DVL3: variants seen among roughly 807,000 people sequenced by gnomAD.
DVL3 encodes dishevelled segment polarity protein 3.
DVL3 carries 27 observed loss-of-function variants against 67.4 expected under a neutral mutation model. The ratio of observed to expected loss-of-function variants is 0.40; its 90% CI spans 0.30 to 0.55. The LOEUF (loss-of-function observed/expected upper bound fraction) is 0.55, where lower values mean the gene tolerates loss of function less well. DVL3 is among the 20% of genes least tolerant of loss of function. The pLI is 0.46. For missense variants in DVL3, 819 were observed against 1,021.5 expected (o/e 0.80, Z 2.70); for synonymous variants, 369 against 396.8 (o/e 0.93, Z 0.83).
chr3:184,162,560 C>CTTTTTTTTT (rs35869796), intron 1 of DVL3, among the ~76,000 whole-genome samples: 2 of 123,544 alleles, frequency 1.6e-5, no homozygotes, highest in Non-Finnish European at 3.3e-5. Context: ...TTTTTCTTTT[C>CTTTTTTTTT]TTTTTTTTTT....
Position 184,164,447 on chromosome 3 carries a change from G to A in DVL3, c.354-45G>A. The A allele has an allele frequency of 6.3e-7, 1 of 1,597,830 alleles. No individual in the cohort carries two copies. The highest frequency in any genetic ancestry group is 8.5e-7 in the Non-Finnish European group (1 of 1,171,458). Reference sequence around the variant, plus strand: ...CAGTTCAGCCCAGGGCTGGGGGAGGGAGCCCCCAGCCTGCCCCCTCCCCCA... The same window carrying A: ...CAGTTCAGCCCAGGGCTGGGGGAGGAAGCCCCCAGCCTGCCCCCTCCCCCA... On this transcript the variant is annotated intron_variant, in intron 3 of 14. Coordinates refer to ENST00000313143, the MANE Select transcript of DVL3 (RefSeq NM_004423.4). The surrounding 1 kb of genome is among the most constrained non-coding windows in gnomAD (Gnocchi z 5.3).
Position 184,170,455 on chromosome 3 carries a change from G to A in DVL3, c.1851G>A (p.Arg617=), listed in dbSNP as rs377232986. Residue 617 remains arginine (R), a synonymous_variant, in exon 15 of 15, where the codon CGG becomes CGA. Transcript: ENST00000313143. The surrounding 1 kb of genome is among the most constrained non-coding windows in gnomAD (Gnocchi z 6.5). Reference sequence around the variant, plus strand: ...CACGCAGCAGCCTGCGGGGGCCGCGGGAGCGGGCGCCCAGCGAGCGCTCAG... The same window carrying A: ...CACGCAGCAGCCTGCGGGGGCCGCGAGAGCGGGCGCCCAGCGAGCGCTCAG... The part of the protein sequence containing the change: ...HTTRSSLRGP[R]ERAPSERSGP... 1.9e-6 allele frequency: 3 copies of A among 1,583,622 alleles called. No homozygotes were observed. The highest frequency in any genetic ancestry group is 2.6e-6 in the Non-Finnish European group (3 of 1,166,032).
At chr3:184,159,979 G>A (rs550129126) in intron 1 of DVL3, among the ~76,000 whole-genome samples, 93 of 150,144 alleles carry the variant, frequency 6.2e-4, no homozygotes, top group South Asian at 2.4e-3. Context: ...TCGCTGTGTC[G>A]CCCAGGCTGG....
chr3:184,166,890 C>G lies in DVL3; in HGVS notation c.1113C>G (p.Thr371=). The part of the protein sequence containing the change: ...WVSHTAAMTG[T]FPAYGMSPSL... ...CCCACACTGCAGCCATGACCGGCACCTTCCCTGCATACGGCATGAGCCCCT... is the reference window on the plus strand; with the variant it reads ...CCCACACTGCAGCCATGACCGGCACGTTCCCTGCATACGGCATGAGCCCCT... The change falls in exon 11 of 15, where the codon ACC becomes ACG. Residue 371 remains threonine (T), a synonymous_variant. Coordinates refer to ENST00000313143, the MANE Select transcript of DVL3 (RefSeq NM_004423.4). The surrounding 1 kb of genome is among the most constrained non-coding windows in gnomAD (Gnocchi z 6.7). 2.5e-6 allele frequency: 4 copies of G among 1,614,182 alleles called. No homozygotes were observed. The highest frequency in any genetic ancestry group is 2.5e-6 in the Non-Finnish European group (3 of 1,180,028).
rs1186542249 is a variant in DVL3, at chr3:184,170,400, G to A, written c.1796G>A (p.Gly599Glu). 1.2e-6 allele frequency: 2 copies of A among 1,603,918 alleles called. No individual in the cohort carries two copies. Among genetic ancestry groups the A allele is most frequent in the Non-Finnish European group, 1.7e-6 (2 of 1,175,560 alleles). Residue 599 changes from glycine to glutamate, a missense_variant, in exon 15 of 15, where the codon GGG becomes GAG. This residue lies in a region of DVL3 where 324 missense variants were observed against 331.3 expected (regional missense o/e 0.98). Coordinates refer to ENST00000313143, the MANE Select transcript of DVL3 (RefSeq NM_004423.4). The surrounding 1 kb of genome is among the most constrained non-coding windows in gnomAD (Gnocchi z 6.5). ...KDPKAGDSKS[G>E]GSGSESDHTT... The stretch of plus-strand genomic sequence containing the variant: ...CCGAAGGCCGGGGACTCCAAGTCCG[G>A]GGGCAGCGGCAGCGAATCGGACCAC...
chr3:184,156,033 A>G (rs1714172355), intron 1 of DVL3, among the ~76,000 whole-genome samples: 1 of 152,040 alleles, frequency 6.6e-6, no homozygotes, highest in East Asian at 1.9e-4. Context: ...CCCACTAGCA[A>G]TCAGAGTTCC....
chr3:184,169,494 A>G (rs563166082), intron 13 of DVL3, among the ~76,000 whole-genome samples: 155 of 152,300 alleles, frequency 1.0e-3, no homozygotes, highest in African/African-American at 3.6e-3. Context: ...TAGGAGTTGG[A>G]GACCAGCCTG....
Position 184,171,543 on chromosome 3 carries a change from C to T in DVL3, c.*788C>T, listed in dbSNP as rs1714839718. 2.0e-6 allele frequency: 2 copies of T among 986,066 alleles called. No individual in the cohort carries two copies. Among genetic ancestry groups the T allele is most frequent in the Admixed American group, 6.1e-5 (1 of 16,288 alleles). 61.1% of individuals were successfully genotyped at this position (986,066 alleles called of 1,614,324 possible). On this transcript the variant is annotated 3_prime_UTR_variant, in exon 15 of 15. Coordinates refer to ENST00000313143, the MANE Select transcript of DVL3 (RefSeq NM_004423.4). ...TTCTTTTCTTTCTTTTTTCCTCCCCCAATTTACCCTGGGCCTGGAGCAGCC... is the reference window on the plus strand; with the variant it reads ...TTCTTTTCTTTCTTTTTTCCTCCCCTAATTTACCCTGGGCCTGGAGCAGCC...
rs1240858556 is a variant in DVL3 at position 184,173,393 on chromosome 3, G to T, written c.*2638G>T. 1.3e-5 allele frequency: 2 copies of T among 152,310 alleles called. No individual in the cohort carries two copies. Among genetic ancestry groups the T allele is most frequent in the African/African-American group, 4.8e-5 (2 of 41,546 alleles). 9.4% of individuals were successfully genotyped at this position (152,310 alleles called of 1,614,324 possible). A position where few individuals can be genotyped will look rare whatever the true frequency, so the allele number is the denominator to read the frequency against. On this transcript the variant is annotated 3_prime_UTR_variant, in exon 15 of 15. Coordinates refer to ENST00000313143, the MANE Select transcript of DVL3 (RefSeq NM_004423.4). ...TGGAGCATGGGATTTGGAGTTAGGT[G>T]GTTTTGGGTTTGAATTCCAGCTCTA...
At position 184,165,043 on chromosome 3, in the gene DVL3, C is replaced by G; in HGVS notation, c.600-70C>G. 1 of 1,608,314 alleles carries G rather than the reference C, an allele frequency of 6.2e-7. No homozygotes were observed. The highest frequency in any genetic ancestry group is 8.5e-7 in the Non-Finnish European group (1 of 1,176,870). On this transcript the variant is annotated intron_variant, in intron 5 of 14. Transcript: ENST00000313143. This position sits in a 1 kb window ranked among gnomAD's most constrained non-coding sequence, Gnocchi z 4.1. ...ATGGGCTTTGTGTTGGGGACCCAGG[C>G]CCTGCAGTGCCTCCCCTCATGGGGG...
chr3:184,155,570 T>G lies in DVL3; in HGVS notation c.-66T>G. ...TGGGCCGCGCCGCGCGCCGCCGCCG[T>G]CTGGGAGGCTCGGCCCGGCCGCCCG... On this transcript the variant is annotated 5_prime_UTR_variant, in exon 1 of 15. Transcript: ENST00000313143. This position sits in a 1 kb window ranked among gnomAD's most constrained non-coding sequence, Gnocchi z 5.4. 1.0e-6 allele frequency: 1 copy of G among 993,402 alleles called. No individual in the cohort carries two copies. The highest frequency in any genetic ancestry group is 1.2e-6 in the Non-Finnish European group (1 of 831,276). The allele number at this position is 993,402 out of a possible 1,614,324, so 61.5% of individuals were successfully genotyped here.
Position 184,166,456 on chromosome 3 carries a change from T to G in DVL3, c.914T>G (p.Ile305Ser), listed in dbSNP as rs955057312. 1 of 1,614,086 alleles carries G rather than the reference T, an allele frequency of 6.2e-7. No homozygotes were observed. ...PGDMLLQVNE[I>S]NFENMSNDDA... ...CTGGTCCTTTCCCAGGTAAACGAGA[T>G]CAACTTTGAGAACATGAGTAATGAC... The change falls in exon 9 of 15, where the codon ATC (isoleucine) becomes AGC (serine). Residue 305 changes from isoleucine to serine, a missense_variant. Coordinates refer to ENST00000313143, the MANE Select transcript of DVL3 (RefSeq NM_004423.4). The surrounding 1 kb of genome is among the most constrained non-coding windows in gnomAD (Gnocchi z 6.7).
In DVL3 at chr3:184,164,534, C is replaced by T. The variant is rs748540521; in HGVS notation, c.396C>T (p.Asp132=). Reference sequence around the variant, plus strand: ...GCAGCCAGGAGAACCTGGACAATGACACAGAGACGGACTCTTTGGTGTCTG... The same window carrying T: ...GCAGCCAGGAGAACCTGGACAATGATACAGAGACGGACTCTTTGGTGTCTG... ...GGGSQENLDN[D]TETDSLVSAQ... The change falls in exon 4 of 15, where the codon GAC becomes GAT. Residue 132 remains aspartate (D), a synonymous_variant. Transcript: ENST00000313143. This position sits in a 1 kb window ranked among gnomAD's most constrained non-coding sequence, Gnocchi z 5.3. The T allele has an allele frequency of 2.5e-6, 4 of 1,587,724 alleles. No homozygotes were observed. Among genetic ancestry groups the T allele is most frequent in the Non-Finnish European group, 3.4e-6 (4 of 1,167,184 alleles).
chr3:184,169,167 T>A (rs1013729474), intron 13 of DVL3, among the ~76,000 whole-genome samples: 4 of 152,222 alleles, frequency 2.6e-5, no homozygotes, highest in African/African-American at 9.6e-5. Context: ...ACACTTTACC[T>A]AAATTTCCCA....
At chr3:184,169,087 A>T (rs1389942147) in intron 13 of DVL3, among the ~76,000 whole-genome samples, 1 of 152,134 alleles carries the variant, frequency 6.6e-6, no homozygotes, top group Admixed American at 6.6e-5. Flanking sequence ...CTATATAGGG[A>T]ATCTCTGGAA....
At position 184,166,043 on chromosome 3, in the gene DVL3, C is replaced by T. The variant is rs1714570946; in HGVS notation, c.764-83C>T. The T allele has an allele frequency of 1.3e-6, 2 of 1,524,930 alleles. No homozygotes were observed. Among genetic ancestry groups the T allele is most frequent in the South Asian group, 1.2e-5 (1 of 86,430 alleles). The allele number at this position is 1,524,930 out of a possible 1,614,324, so 94.5% of individuals were successfully genotyped here. A position where few individuals can be genotyped will look rare whatever the true frequency, so the allele number is the denominator to read the frequency against. ...AGGATCAGCAAATGTCAGTTCAGTTCCTGTCCCTTTCCATTTTCTAATGGG... is the reference window on the plus strand; with the variant it reads ...AGGATCAGCAAATGTCAGTTCAGTTTCTGTCCCTTTCCATTTTCTAATGGG... On this transcript the variant is annotated intron_variant, in intron 7 of 14. Coordinates refer to ENST00000313143, the MANE Select transcript of DVL3 (RefSeq NM_004423.4). The surrounding 1 kb of genome is among the most constrained non-coding windows in gnomAD (Gnocchi z 6.7).
At position 184,171,450 on chromosome 3, in the gene DVL3, G is replaced by A. The variant is rs1368087703; in HGVS notation, c.*695G>A. The A allele has an allele frequency of 2.3e-5, 23 of 987,366 alleles. No homozygotes were observed. In the South Asian group the frequency reaches 2.8e-4, roughly 12 times the overall value. The allele number at this position is 987,366 out of a possible 1,614,324, so 61.2% of individuals were successfully genotyped here. On this transcript the variant is annotated 3_prime_UTR_variant, in exon 15 of 15. Transcript: ENST00000313143. ...TACCCCTGCCCCATGCCTGCCCTGC[G>A]TGCTGGTTCCTTCAGACCCCTAACC...
At position 184,155,593 on chromosome 3, in the gene DVL3, C is replaced by G; in HGVS notation, c.-43C>G. 1 of 1,148,290 alleles carries G rather than the reference C, an allele frequency of 8.7e-7. No homozygotes were observed. The highest frequency in any genetic ancestry group is 1.1e-6 in the Non-Finnish European group (1 of 930,002). 71.1% of individuals were successfully genotyped at this position (1,148,290 alleles called of 1,614,324 possible). On this transcript the variant is annotated 5_prime_UTR_variant, in exon 1 of 15. Coordinates refer to ENST00000313143, the MANE Select transcript of DVL3 (RefSeq NM_004423.4). The surrounding 1 kb of genome is among the most constrained non-coding windows in gnomAD (Gnocchi z 5.4). ...CGTCTGGGAGGCTCGGCCCGGCCGC[C>G]CGAGCAGGCCGCGCGCGGGCCGCCG...
At chr3:184,162,493 T>G (rs1364065169) in intron 1 of DVL3, among the ~76,000 whole-genome samples, 2 of 152,034 alleles carry the variant, frequency 1.3e-5, no homozygotes, top group African/African-American at 4.8e-5. Context: ...TTACTGTTAA[T>G]TATCATAATG....
Sources: allele counts gnomAD v4.1 joint callset (sites outside exome capture counted in the v4.1 genomes callset), GRCh38; gene constraint gnomAD v4.1.1; regional missense constraint gnomAD v4.1.1; non-coding constraint Gnocchi (gnomAD v3.1); transcripts MANE v1.5; gene names NCBI Gene and HGNC (gene_info 2026-07-23, HGNC 2026-07-21).